Variants in GPM6B observed in about 807,000 individuals in gnomAD.
GPM6B encodes neuronal membrane glycoprotein M6-b.
GPM6B carries 4 observed loss-of-function variants against 27.2 expected under a neutral mutation model. The observed-to-expected ratio is 0.15, with a 90% CI of 0.07 to 0.34. The LOEUF (loss-of-function observed/expected upper bound fraction) is 0.34, where lower values mean the gene tolerates loss of function less well. GPM6B is among the 10% of genes least tolerant of loss of function. GPM6B has a pLI of 1.00. For synonymous variants in GPM6B, 124 were observed against 103.1 expected (o/e 1.20, Z -1.23); for missense variants, 183 against 261.9 (o/e 0.70, Z 2.08).
At chrX:13,843,731 T>A (rs770909228) in intron 1 of GPM6B, among the ~76,000 whole-genome samples, 1 of 112,488 alleles carries the variant, frequency 8.9e-6, no homozygotes, top group South Asian at 3.7e-4. Context: ...ATTTGTAAAT[T>A]TTTTAGAGAA....
intron 1 of GPM6B, chrX:13,812,804 G>A (rs1416587629): frequency 9.2e-6 from 1 of 109,257 alleles, no homozygotes; most frequent in Non-Finnish European, 1.9e-5. Flanking sequence ...TTTTTCTAAC[G>A]AAATAGCAAG....
At chrX:13,810,368 T>C (rs1247083322) in intron 1 of GPM6B, among the ~76,000 whole-genome samples, 1 of 111,815 alleles carries the variant, frequency 8.9e-6, no homozygotes, top group Non-Finnish European at 1.9e-5. Context: ...TCACTTTTGA[T>C]CTGGAAATTT....
intron 1 of GPM6B, among the ~76,000 whole-genome samples, chrX:13,815,599 A>G (rs2049219924): frequency 8.9e-6 from 1 of 111,756 alleles, no homozygotes; most frequent in African/African-American, 3.3e-5. Context: ...GTATACTTAA[A>G]ATGGTAAATT....
intron 1 of GPM6B, among the ~76,000 whole-genome samples, chrX:13,839,136 G>T (rs1438972823): frequency 1.8e-5 from 2 of 111,479 alleles, no homozygotes; most frequent in East Asian, 5.6e-4. Context: ...ATCTATATAA[G>T]AAGAACCTTG....
chrX:13,934,461 G>A (rs757918600), intron 1 of GPM6B, among the ~76,000 whole-genome samples: 53 of 111,723 alleles, frequency 4.7e-4, no homozygotes, highest in Non-Finnish European at 7.9e-4. Flanking sequence ...CCTGGATGTC[G>A]GGGAAGAAAG....
intron 1 of GPM6B, among the ~76,000 whole-genome samples, chrX:13,887,559 A>AC (rs1014029975): frequency 1.8e-5 from 2 of 111,779 alleles, no homozygotes; most frequent in Non-Finnish European, 3.8e-5. Context: ...ACATTAGATA[A>AC]CTGAGCCTGG....
chrX:13,922,157 T>C (rs1268410757), intron 1 of GPM6B, among the ~76,000 whole-genome samples: 1 of 111,273 alleles, frequency 9.0e-6, no homozygotes. Context: ...CAAAACTCAG[T>C]CTGCCTTATT....
chrX:13,864,095 T>C (rs1238639570), intron 1 of GPM6B, among the ~76,000 whole-genome samples: 1 of 111,981 alleles, frequency 8.9e-6, no homozygotes, highest in Non-Finnish European at 1.9e-5. Context: ...CAGAGTAACA[T>C]TGAAAAGGTC....
Position 13,810,943 on chromosome X carries a change from T to C in GPM6B, c.62-3174A>G, listed in dbSNP as rs1250740980. Among the ~76,000 whole-genome samples the C allele has an allele frequency of 7.2e-5, 8 of 111,822 alleles. No homozygotes were observed. In the Admixed American group the frequency reaches 7.6e-4, roughly 11 times the overall value. On this transcript the variant is annotated intron_variant, in intron 1 of 7. Coordinates refer to ENST00000316715, the MANE Select transcript of GPM6B (RefSeq NM_001001995.3). ...CAAATTTAAATAAAGGCATTAAATA[T>C]AAAGTTATTTATAAAATTTCAAAAA...
chrX:13,865,802 C>G lies in GPM6B; in HGVS notation c.-198+72525G>C, dbSNP rs142834703. On this transcript the variant is annotated intron_variant, in intron 1 of 6. Coordinates refer to the GPM6B transcript ENST00000398361. ...AAAAATGAAAGAAAAAAACCCCATT[C>G]TCTTCTGCACTTTGCTTCTGACTGC... 6.4e-5 allele frequency among the ~76,000 whole-genome samples: 7 copies of G among 108,618 alleles called. No individual in the cohort carries two copies. The East Asian group carries it at 2.0e-3, about 31-fold the overall frequency. The allele number at this position is 108,618 out of a possible 115,157, so 94.3% of individuals were successfully genotyped here. A position where few individuals can be genotyped will look rare whatever the true frequency, so the allele number is the denominator to read the frequency against.
At chrX:13,871,084 C>CA (rs200103603) in intron 1 of GPM6B, among the ~76,000 whole-genome samples, 18,196 of 57,235 alleles carry the variant, frequency 0.32, 1,802 homozygotes, top group East Asian at 0.71. Flanking sequence ...AAAACAAAAA[C>CA]AAAACAAAAC....
At chrX:13,930,357 A>C (rs190145158) in intron 1 of GPM6B, among the ~76,000 whole-genome samples, 3 of 111,465 alleles carry the variant, frequency 2.7e-5, no homozygotes, top group African/African-American at 9.8e-5. Context: ...GCTCACACCT[A>C]TAATCCCAGC....
Position 13,772,780 on chromosome X carries a change from A to G in GPM6B, c.*101T>C, listed in dbSNP as rs781062015. 1.4e-5 allele frequency: 11 copies of G among 784,715 alleles called. No homozygotes were observed. The highest frequency in any genetic ancestry group is 1.9e-5 in the Non-Finnish European group (10 of 538,718). The allele number at this position is 784,715 out of a possible 1,213,427, so 64.7% of individuals were successfully genotyped here. A position where few individuals can be genotyped will look rare whatever the true frequency, so the allele number is the denominator to read the frequency against. On this transcript the variant is annotated 3_prime_UTR_variant, in exon 8 of 8. Transcript: ENST00000316715. The stretch of plus-strand genomic sequence containing the variant: ...GAGACAGACAGTGAAGTGTTTGTAC[A>G]TCTACATTAGTTTGGTGGGATACAC...
intron 1 of GPM6B, among the ~76,000 whole-genome samples, chrX:13,849,201 T>TGCTTACCA (rs2049685279): frequency 8.9e-6 from 1 of 112,727 alleles, no homozygotes; most frequent in African/African-American, 3.2e-5. Context: ...AGCATAGTAA[T>TGCTTACCA]CCACATCAGA....
At chrX:13,886,408 A>C (rs924293114) in intron 1 of GPM6B, among the ~76,000 whole-genome samples, 7 of 110,527 alleles carry the variant, frequency 6.3e-5, no homozygotes, top group African/African-American at 2.3e-4. Flanking sequence ...ATCAGGATAG[A>C]GTTACTTTAC....
intron 1 of GPM6B, among the ~76,000 whole-genome samples, chrX:13,930,201 A>T (rs1304798968): frequency 8.9e-6 from 1 of 112,281 alleles, no homozygotes; most frequent in Non-Finnish European, 1.9e-5. Context: ...CTTTTTCATT[A>T]AGTGGTCAAC....
chrX:13,906,253 G>T (rs2050330263), intron 1 of GPM6B, among the ~76,000 whole-genome samples: 1 of 112,152 alleles, frequency 8.9e-6, no homozygotes. Context: ...TTACAAAGTT[G>T]GGGGCTAGGG....
intron 1 of GPM6B, among the ~76,000 whole-genome samples, chrX:13,810,182 T>A (rs2049102600): frequency 9.0e-6 from 1 of 111,088 alleles, no homozygotes; most frequent in Non-Finnish European, 1.9e-5. Context: ...GTTCAGGAGA[T>A]TCTCTCTCAG....
At chrX:13,894,249 C>T (rs966416814) in intron 1 of GPM6B, among the ~76,000 whole-genome samples, 2 of 111,804 alleles carry the variant, frequency 1.8e-5, no homozygotes, top group Non-Finnish European at 3.8e-5. Context: ...TTAAATGAGC[C>T]CACAGATCAA....
Sources: allele counts gnomAD v4.1 joint callset (sites outside exome capture counted in the v4.1 genomes callset), GRCh38; gene constraint gnomAD v4.1.1; transcripts MANE v1.5; gene names NCBI Gene and HGNC (gene_info 2026-07-23, HGNC 2026-07-21).